CELF4: variants seen among roughly 807,000 people sequenced by gnomAD.
CELF4 encodes CUG-BP- and ETR-3-like factor 4.
CELF4 carries 18 observed loss-of-function variants against 59.9 expected under a neutral mutation model. The observed-to-expected ratio is 0.30, with a 90% CI of 0.21 to 0.45. CELF4 has a LOEUF of 0.45. CELF4 is among the 20% of genes least tolerant of loss of function. The pLI, the probability that CELF4 is intolerant of heterozygous loss-of-function variation, is 1.00. For missense variants in CELF4, 456 were observed against 689.0 expected, an observed-to-expected ratio of 0.66 and a Z score of 3.79; for synonymous variants, 261 against 267.1, an observed-to-expected ratio of 0.98 and a Z score of 0.22.
intron 2 of CELF4, among the ~76,000 whole-genome samples, chr18:37,403,630 T>A (rs1428998004): frequency 6.6e-6 from 1 of 152,120 alleles, no homozygotes; most frequent in Non-Finnish European, 1.5e-5. Context: ...CCTGACGGTG[T>A]GCAGTCCTCT....
intron 2 of CELF4, among the ~76,000 whole-genome samples, chr18:37,381,495 T>G (rs993357059): frequency 2.6e-5 from 4 of 152,192 alleles, no homozygotes; most frequent in Non-Finnish European, 4.4e-5. Flanking sequence ...GGTGGGAGCC[T>G]TGCAGGCACC....
chr18:37,449,264 G>T (rs1015277410), intron 2 of CELF4, among the ~76,000 whole-genome samples: 2 of 152,188 alleles, frequency 1.3e-5, no homozygotes, highest in African/African-American at 4.8e-5. Context: ...TCATCCTAAG[G>T]GATGGGGAAG....
At chr18:37,301,911 C>T (rs926747621) in intron 3 of CELF4, among the ~76,000 whole-genome samples, 4 of 152,100 alleles carry the variant, frequency 2.6e-5, no homozygotes, top group Non-Finnish European at 5.9e-5. Context: ...GCCATGCCAC[C>T]CACCTTTCCC....
At chr18:37,319,543 G>T (rs1179799938) in intron 3 of CELF4, among the ~76,000 whole-genome samples, 1 of 152,194 alleles carries the variant, frequency 6.6e-6, no homozygotes, top group East Asian at 1.9e-4. Context: ...TCAGTGCCCT[G>T]CTGGGGCTGG....
At chr18:37,394,133 G>C (rs1406927846) in intron 2 of CELF4, among the ~76,000 whole-genome samples, 2 of 152,110 alleles carry the variant, frequency 1.3e-5, no homozygotes, top group African/African-American at 4.8e-5. Context: ...CCGGCCCGAC[G>C]GGGGCGGGGC....
At chr18:37,353,233 A>AAAAAAATATATATAT (rs71168258) in intron 2 of CELF4, among the ~76,000 whole-genome samples, 4 of 106,976 alleles carry the variant, frequency 3.7e-5, no homozygotes, top group East Asian at 2.8e-4. Context: ...AAAAAAAAAA[A>AAAAAAATATATATAT]ATATATATAT....
At chr18:37,330,742 CA>C (rs1266921124) in intron 2 of CELF4, among the ~76,000 whole-genome samples, 1 of 152,220 alleles carries the variant, frequency 6.6e-6, no homozygotes, top group Non-Finnish European at 1.5e-5. Flanking sequence ...CCTCCTGCCT[CA>C]TCTGTGCCCT....
At chr18:37,272,572 G>GAC (rs1248401139) in intron 7 of CELF4, among the ~76,000 whole-genome samples, 3,316 of 104,950 alleles carry the variant, frequency 0.032, 141 homozygotes, top group African/African-American at 0.11. Flanking sequence ...AAAGGGAAAT[G>GAC]AAAAAAAAAA....
At chr18:37,263,342 T>G (rs1319438072) in intron 10 of CELF4, among the ~76,000 whole-genome samples, 1 of 152,124 alleles carries the variant, frequency 6.6e-6, no homozygotes, top group Non-Finnish European at 1.5e-5. Context: ...CAAATGATGT[T>G]GGACCAGCAG....
intron 2 of CELF4, among the ~76,000 whole-genome samples, chr18:37,412,674 G>A (rs998753736): frequency 6.6e-6 from 1 of 152,144 alleles, no homozygotes; most frequent in Admixed American, 6.5e-5. Flanking sequence ...ATAGATGAGT[G>A]CATGTGTGTA....
intron 2 of CELF4, among the ~76,000 whole-genome samples, chr18:37,470,883 T>TGAGAGAGAGA (rs1569569556): frequency 2.4e-5 from 2 of 83,596 alleles, no homozygotes; most frequent in African/African-American, 4.5e-5. Flanking sequence ...TGTGTGTGTG[T>TGAGAGAGAGA]GTGTGACAGA....
chr18:37,555,950 G>A (rs759464454), intron 1 of CELF4, among the ~76,000 whole-genome samples: 25 of 152,124 alleles, frequency 1.6e-4, no homozygotes, highest in Admixed American at 3.3e-4. Flanking sequence ...GTAAGTGTGC[G>A]TGTGACTGTG....
chr18:37,353,808 G>T (rs1161273607), intron 2 of CELF4, among the ~76,000 whole-genome samples: 2 of 146,652 alleles, frequency 1.4e-5, no homozygotes, highest in African/African-American at 5.0e-5. Flanking sequence ...CCAGGCTAGA[G>T]TGCAGTGGCG....
intron 3 of CELF4, among the ~76,000 whole-genome samples, chr18:37,282,259 G>A (rs2154384532): frequency 1.3e-5 from 2 of 152,012 alleles, no homozygotes; most frequent in African/African-American, 4.8e-5. Context: ...ATCAAACTGA[G>A]CAAAGTTGTG....
At chr18:37,435,617 C>T (rs1246650337) in intron 2 of CELF4, among the ~76,000 whole-genome samples, 1 of 152,228 alleles carries the variant, frequency 6.6e-6, no homozygotes, top group Non-Finnish European at 1.5e-5. Flanking sequence ...CAGCAACACC[C>T]ACTTCCCTGG....
chr18:37,332,241 A>G (rs2097569708), intron 2 of CELF4, among the ~76,000 whole-genome samples: 1 of 152,110 alleles, frequency 6.6e-6, no homozygotes, highest in Non-Finnish European at 1.5e-5. Context: ...CCCTCACTCC[A>G]GTCCAAGCCT....
At chr18:37,293,230 C>T (rs1169105652) in intron 3 of CELF4, among the ~76,000 whole-genome samples, 2 of 152,258 alleles carry the variant, frequency 1.3e-5, no homozygotes, top group African/African-American at 4.8e-5. Context: ...TCTATTCTCT[C>T]ACGGTTCTGG....
At chr18:37,509,322 A>T (rs775350759) in intron 1 of CELF4, among the ~76,000 whole-genome samples, 68 of 152,248 alleles carry the variant, frequency 4.5e-4, no homozygotes, top group Admixed American at 2.6e-3. Flanking sequence ...CGAAGCTAGG[A>T]CATCCAGGCA....
Position 37,542,977 on chromosome 18 carries a change from A to G in CELF4, c.286+22379T>C, listed in dbSNP as rs74377018. Reference sequence around the variant, plus strand: ...CTCCCTTGAACTTGGTTAGAGCCCAATACTGATGAGGACTCCCCATCACAC... The same window carrying G: ...CTCCCTTGAACTTGGTTAGAGCCCAGTACTGATGAGGACTCCCCATCACAC... On this transcript the variant is annotated intron_variant, in intron 1 of 12. Transcript: ENST00000420428. Among the ~76,000 whole-genome samples, 391 of 152,158 alleles carry G rather than the reference A, an allele frequency of 2.6e-3. 10 individuals are homozygous for G. The East Asian group carries it at 0.047, about 18-fold the overall frequency.
Sources: allele counts gnomAD v4.1 joint callset (sites outside exome capture counted in the v4.1 genomes callset), GRCh38; gene constraint gnomAD v4.1.1; transcripts MANE v1.5; gene names NCBI Gene and HGNC (gene_info 2026-07-23, HGNC 2026-07-21).